The following PEX11A variants were observed in gnomAD, a reference collection of about 807,000 sequenced individuals.
PEX11A encodes the protein peroxisomal membrane protein 11A.
PEX11A carries 13 observed loss-of-function variants against 14.4 expected under a neutral mutation model. The observed-to-expected ratio is 0.90, with a 90% CI of 0.59 to 1.43. The LOEUF is 1.43. PEX11A is among the 40% of genes most tolerant of loss of function. The pLI is 0.00. For missense variants in PEX11A, 290 were observed against 302.8 expected (o/e 0.96, Z 0.31); for synonymous variants, 101 against 113.0 (o/e 0.89, Z 0.67).
chr15:89,688,787 C>A (rs1964723168), intron 1 of PEX11A, among the ~76,000 whole-genome samples: 1 of 151,808 alleles, frequency 6.6e-6, no homozygotes, highest in African/African-American at 2.4e-5. Flanking sequence ...GTGATCTTGG[C>A]TCACTGCAAG....
In PEX11A at chr15:89,690,564, G is replaced by A; in HGVS notation, c.56+13C>T. 1 of 1,548,478 alleles carries A rather than the reference G, an allele frequency of 6.5e-7. No homozygotes were observed. Among genetic ancestry groups the A allele is most frequent in the Non-Finnish European group, 8.7e-7 (1 of 1,144,776 alleles). ...GGCGAGAAAGGGGCGGAGGCCGCTG[G>A]CACCTGACTCACCTGAAGAGTCGGT... On this transcript the variant is annotated intron_variant, in intron 1 of 2. Coordinates refer to ENST00000300056, the MANE Select transcript of PEX11A (RefSeq NM_003847.3).
chr15:89,687,115 G>A (rs1964689738), intron 1 of PEX11A, among the ~76,000 whole-genome samples: 1 of 152,008 alleles, frequency 6.6e-6, no homozygotes, highest in Non-Finnish European at 1.5e-5. Flanking sequence ...ATAGACACGG[G>A]GTTGTGCCAT....
At position 89,690,668 on chromosome 15, in the gene PEX11A, T is replaced by A. The variant is rs1431291923; in HGVS notation, c.-36A>T. 1.2e-5 allele frequency: 18 copies of A among 1,521,234 alleles called. No individual in the cohort carries two copies. Among genetic ancestry groups the A allele is most frequent in the Non-Finnish European group, 1.5e-5 (17 of 1,120,736 alleles). The allele number at this position is 1,521,234 out of a possible 1,614,324, so 94.2% of individuals were successfully genotyped here. On this transcript the variant is annotated 5_prime_UTR_variant, in exon 1 of 3. Transcript: ENST00000300056. ...CCAAAGGCCACGAGTCGCACGGGGC[T>A]CAGGCGTGGGTCCTCTGGGGCCCGT...
Position 89,681,705 on chromosome 15 carries a change from C to G in PEX11A, c.*1672G>C. ...ATATCGTGATTGGTTAAACAGACAG[C>G]CAAGAATCTGAGTCTATTTTTTGAG... On this transcript the variant is annotated 3_prime_UTR_variant, in exon 3 of 3. Transcript: ENST00000300056. 2.0e-6 allele frequency: 1 copy of G among 488,508 alleles called. No individual in the cohort carries two copies. The allele number at this position is 488,508 out of a possible 1,614,324, so 30.3% of individuals were successfully genotyped here.
intron 1 of PEX11A, among the ~76,000 whole-genome samples, chr15:89,687,569 C>G (rs1400994752): frequency 1.3e-5 from 2 of 152,140 alleles, no homozygotes; most frequent in African/African-American, 4.8e-5. Flanking sequence ...ACATCCAAAT[C>G]CATTTGGCAA....
chr15:89,690,296 C>T (rs1964797835), intron 1 of PEX11A, among the ~76,000 whole-genome samples: 1 of 152,210 alleles, frequency 6.6e-6, no homozygotes, highest in Non-Finnish European at 1.5e-5. Flanking sequence ...GAGGATCTGT[C>T]AGCCGGTGTC....
In PEX11A at chr15:89,683,925, G is replaced by A; in HGVS notation, c.196C>T (p.His66Tyr). ...RKWFRLGNVV[H>Y]AIQATEQSIH... ...CTCTGCTCAGTTGCCTGTATAGCAT[G>A]TACCACATTGCCTAGTCTGAACCCT... Residue 66 changes from histidine (H) to tyrosine (Y), a missense_variant, in exon 3 of 3, where the codon CAT becomes TAT. Transcript: ENST00000300056. The A allele has an allele frequency of 1.2e-6, 2 of 1,612,816 alleles. No homozygotes were observed.
chr15:89,682,044 G>C lies in PEX11A; in HGVS notation c.*1333C>G, dbSNP rs747526436. 1 of 152,546 alleles carries C rather than the reference G, an allele frequency of 6.6e-6. No individual in the cohort carries two copies. Among genetic ancestry groups the C allele is most frequent in the Non-Finnish European group, 1.5e-5 (1 of 68,302 alleles). The allele number at this position is 152,546 out of a possible 1,614,324, so 9.4% of individuals were successfully genotyped here. A position where few individuals can be genotyped will look rare whatever the true frequency, so the allele number is the denominator to read the frequency against. On this transcript the variant is annotated 3_prime_UTR_variant, in exon 3 of 3. Transcript: ENST00000300056. The stretch of plus-strand genomic sequence containing the variant: ...GAAATAAGATGTCTGATTTATCGTA[G>C]AAAATTGTGACTCTCTTACATCTGG...
At position 89,690,619 on chromosome 15, in the gene PEX11A, G is replaced by A. The variant is rs376365044; in HGVS notation, c.14C>T (p.Thr5Ile). MDAF[T>I]RFTNQTQGRD... ...GCCCTGGGTCTGGTTGGTGAAGCGG[G>A]TGAAGGCGTCCATGGCTTCTAGCCC... Residue 5 changes from threonine to isoleucine, a missense_variant, in exon 1 of 3, where the codon ACC becomes ATC. By Grantham distance (89) the Thr-to-Ile change is moderately conservative (BLOSUM62 -1). Transcript: ENST00000300056. 8.4e-6 allele frequency: 13 copies of A among 1,551,416 alleles called. No homozygotes were observed. Among genetic ancestry groups the A allele is most frequent in the African/African-American group, 5.5e-5 (4 of 73,170 alleles).
chr15:89,690,621 G>A lies in PEX11A; in HGVS notation c.12C>T (p.Phe4=), dbSNP rs898502321. 1.3e-6 allele frequency: 2 copies of A among 1,551,232 alleles called. No homozygotes were observed. Among genetic ancestry groups the A allele is most frequent in the Non-Finnish European group, 8.7e-7 (1 of 1,146,886 alleles). The stretch of plus-strand genomic sequence containing the variant: ...CCTGGGTCTGGTTGGTGAAGCGGGT[G>A]AAGGCGTCCATGGCTTCTAGCCCAA... MDA[F]TRFTNQTQGR... The change falls in exon 1 of 3, where the codon TTC becomes TTT. Residue 4 remains phenylalanine (F), a synonymous_variant. Coordinates refer to ENST00000300056, the MANE Select transcript of PEX11A (RefSeq NM_003847.3).
chr15:89,686,554 G>T lies in PEX11A; in HGVS notation c.57-8C>A. The T allele has an allele frequency of 1.6e-6, 2 of 1,229,010 alleles. No homozygotes were observed. Among genetic ancestry groups the T allele is most frequent in the Non-Finnish European group, 2.3e-6 (2 of 855,100 alleles). The allele number at this position is 1,229,010 out of a possible 1,614,324, so 76.1% of individuals were successfully genotyped here. A position where few individuals can be genotyped will look rare whatever the true frequency, so the allele number is the denominator to read the frequency against. On this transcript the variant is annotated splice_region_variant and splice_polypyrimidine_tract_variant and intron_variant, in intron 1 of 2. Transcript: ENST00000300056. The stretch of plus-strand genomic sequence containing the variant: ...CATGTGTACTGAGTGGCTCTGAAAT[G>T]GAAAAAAAAAAATTGAGAAGAATGA...
chr15:89,686,458 C>A lies in PEX11A; in HGVS notation c.145G>T (p.Glu49Ter), dbSNP rs772759827. ...EKVVMKLKKL[E>*]SSVSTGRKWF... ...TTACGACCAGTGCTCACACTGGACT[C>A]CAGTTTCTTGAGCTTCATTACCACC... Residue 49 changes from glutamate to a stop codon, truncating the protein, a stop_gained, in exon 2 of 3, where the codon GAG (glutamate) becomes TAG (stop). Transcript: ENST00000300056. LOFTEE classifies it high-confidence loss of function. The A allele has an allele frequency of 1.3e-6, 2 of 1,585,364 alleles. No individual in the cohort carries two copies. The highest frequency in any genetic ancestry group is 2.2e-5 in the East Asian group (1 of 44,740).
chr15:89,689,007 C>G (rs1964734145), intron 1 of PEX11A, among the ~76,000 whole-genome samples: 1 of 152,338 alleles, frequency 6.6e-6, no homozygotes, highest in Non-Finnish European at 1.5e-5. Flanking sequence ...AGCCACTGCA[C>G]CCGGCCTAAA....
chr15:89,690,683 C>G lies in PEX11A; in HGVS notation c.-51G>C. On this transcript the variant is annotated 5_prime_UTR_variant, in exon 1 of 3. Coordinates refer to ENST00000300056, the MANE Select transcript of PEX11A (RefSeq NM_003847.3). ...CGCACGGGGCTCAGGCGTGGGTCCT[C>G]TGGGGCCCGTCGGATCCCCAGGGAA... The G allele has an allele frequency of 7.2e-7, 1 of 1,379,902 alleles. No individual in the cohort carries two copies. The highest frequency in any genetic ancestry group is 1.0e-6 in the Non-Finnish European group (1 of 993,576). The allele number at this position is 1,379,902 out of a possible 1,614,324, so 85.5% of individuals were successfully genotyped here. A position where few individuals can be genotyped will look rare whatever the true frequency, so the allele number is the denominator to read the frequency against.
chr15:89,689,432 T>A, intron 1 of PEX11A, among the ~76,000 whole-genome samples: 1 of 152,218 alleles, frequency 6.6e-6, no homozygotes. Context: ...TCTGTTTGTA[T>A]CAGCACTTGC....
intron 1 of PEX11A, chr15:89,688,309 A>G: frequency 2.3e-6 from 1 of 443,352 alleles, no homozygotes; most frequent in East Asian, 6.2e-5. Flanking sequence ...CAGTGTGGTC[A>G]TAAAGGTTAT....
Position 89,686,467 on chromosome 15 carries a change from T to C in PEX11A, c.136A>G (p.Lys46Glu). The C allele has an allele frequency of 3.1e-6, 5 of 1,600,334 alleles. No homozygotes were observed. Among genetic ancestry groups the C allele is most frequent in the Non-Finnish European group, 4.3e-6 (5 of 1,167,478 alleles). The change falls in exon 2 of 3, where the codon AAG becomes GAG. Residue 46 changes from lysine to glutamate, a missense_variant. Transcript: ENST00000300056. The stretch of plus-strand genomic sequence containing the variant: ...GTGCTCACACTGGACTCCAGTTTCT[T>C]GAGCTTCATTACCACCTTCTCTTTG... ...AGKEKVVMKL[K>E]KLESSVSTGR...
rs8029037 is a variant in PEX11A, at chr15:89,690,738, G to A, written c.-106C>T. The A allele has an allele frequency of 2.7e-6, 2 of 745,678 alleles. No homozygotes were observed. Among genetic ancestry groups the A allele is most frequent in the Admixed American group, 2.6e-5 (1 of 38,272 alleles). The allele number at this position is 745,678 out of a possible 1,614,324, so 46.2% of individuals were successfully genotyped here. A position where few individuals can be genotyped will look rare whatever the true frequency, so the allele number is the denominator to read the frequency against. On this transcript the variant is annotated 5_prime_UTR_variant, in exon 1 of 3. Transcript: ENST00000300056. ...CAGTCCCAGGTTATCCGCTGAGGGGGAGGGGCTGAGTCTCTCCGCCCCAGA... is the reference window on the plus strand; with the variant it reads ...CAGTCCCAGGTTATCCGCTGAGGGGAAGGGGCTGAGTCTCTCCGCCCCAGA...
intron 1 of PEX11A, among the ~76,000 whole-genome samples, chr15:89,687,718 T>C (rs1017619194): frequency 5.3e-5 from 8 of 152,204 alleles, no homozygotes; most frequent in Non-Finnish European, 1.2e-4. Context: ...AGGAATGAAA[T>C]AAAAAGAGAA....
Sources: gnomAD v4.1 joint callset for allele counts (sites outside exome capture counted in the v4.1 genomes callset) on GRCh38, gnomAD v4.1.1 for gene constraint, MANE v1.5 for transcripts, NCBI Gene and HGNC (gene_info 2026-07-23, HGNC 2026-07-21) for gene names.